KCNIP1: variants seen among roughly 807,000 people sequenced by gnomAD.
KCNIP1 encodes A-type potassium channel modulatory protein KCNIP1.
Under a neutral mutation model 33.0 loss-of-function variants are expected in KCNIP1, and 18 were observed. The ratio of observed to expected loss-of-function variants is 0.55; its 90% CI spans 0.38 to 0.81. The LOEUF is 0.81. Among genes scored for constraint, KCNIP1 ranks in the 30% least tolerant of loss-of-function variants. The pLI, the probability that KCNIP1 is intolerant of heterozygous loss-of-function variation, is 0.00. For missense variants in KCNIP1, 238 were observed against 271.6 expected (o/e 0.88, Z 0.87); for synonymous variants, 93 against 98.3 (o/e 0.95, Z 0.32).
intron 1 of KCNIP1, among the ~76,000 whole-genome samples, chr5:170,523,453 G>T (rs1267482186): frequency 6.6e-6 from 1 of 152,210 alleles, no homozygotes; most frequent in Non-Finnish European, 1.5e-5. Context: ...TTCCGGAACT[G>T]CAGCCAGTGG....
chr5:170,567,312 ATAG>A (rs1217774157), intron 1 of KCNIP1, among the ~76,000 whole-genome samples: 3 of 152,220 alleles, frequency 2.0e-5, no homozygotes, highest in Admixed American at 6.5e-5. Flanking sequence ...CCAAAATGCC[ATAG>A]TGTCGCTGGG....
chr5:170,481,822 T>TTA (rs1244811389), intron 1 of KCNIP1, among the ~76,000 whole-genome samples: 1 of 152,162 alleles, frequency 6.6e-6, no homozygotes, highest in East Asian at 1.9e-4. Flanking sequence ...CAATCGCTCT[T>TTA]TATAGTTTAT....
chr5:170,701,944 C>A (rs1434097868), intron 1 of KCNIP1, among the ~76,000 whole-genome samples: 1 of 152,200 alleles, frequency 6.6e-6, no homozygotes, highest in Non-Finnish European at 1.5e-5. Context: ...TGGGCTATCA[C>A]CTCGCCTTTC....
At chr5:170,682,269 G>A (rs1306782142) in intron 1 of KCNIP1, among the ~76,000 whole-genome samples, 3 of 152,112 alleles carry the variant, frequency 2.0e-5, no homozygotes, top group African/African-American at 7.2e-5. Flanking sequence ...TCTAGGTCTT[G>A]GTTTCCTTAT....
intron 1 of KCNIP1, among the ~76,000 whole-genome samples, chr5:170,425,817 C>T (rs1262503395): frequency 6.6e-6 from 1 of 152,210 alleles, no homozygotes; most frequent in African/African-American, 2.4e-5. Flanking sequence ...CACCTTCCTG[C>T]AGGCAGGCAA....
chr5:170,579,835 C>T (rs1305257202), intron 1 of KCNIP1, among the ~76,000 whole-genome samples: 1 of 152,172 alleles, frequency 6.6e-6, no homozygotes, highest in Non-Finnish European at 1.5e-5. Flanking sequence ...CTCCGCCTCT[C>T]TCCTACAGCC....
chr5:170,445,226 G>A (rs150179103), intron 1 of KCNIP1, among the ~76,000 whole-genome samples: 210 of 152,292 alleles, frequency 1.4e-3, no homozygotes, highest in African/African-American at 4.9e-3. Flanking sequence ...ACAGAGCCCC[G>A]TTAAGGGGGC....
At chr5:170,641,655 G>A (rs183888365) in intron 1 of KCNIP1, among the ~76,000 whole-genome samples, 333 of 152,330 alleles carry the variant, frequency 2.2e-3, no homozygotes, top group Non-Finnish European at 3.9e-3. Flanking sequence ...GGTTGGGGGA[G>A]GCAAAGGGGT....
chr5:170,407,838 T>G (rs2113398505), intron 1 of KCNIP1, among the ~76,000 whole-genome samples: 1 of 152,342 alleles, frequency 6.6e-6, no homozygotes, highest in South Asian at 2.1e-4. Flanking sequence ...TAAATTATAC[T>G]GTTTGCTCAA....
intron 1 of KCNIP1, among the ~76,000 whole-genome samples, chr5:170,663,778 C>G (rs1182883104): frequency 1.3e-5 from 2 of 151,964 alleles, no homozygotes; most frequent in African/African-American, 4.8e-5. Context: ...AAATCTCTCT[C>G]CTCTCCTTCC....
At chr5:170,595,971 C>G (rs1758427638) in intron 1 of KCNIP1, among the ~76,000 whole-genome samples, 1 of 152,136 alleles carries the variant, frequency 6.6e-6, no homozygotes, top group South Asian at 2.1e-4. Flanking sequence ...GAGCTTCATC[C>G]AGACTCATTT....
At chr5:170,506,470 A>T (rs1395483710) in intron 1 of KCNIP1, among the ~76,000 whole-genome samples, 3 of 152,174 alleles carry the variant, frequency 2.0e-5, no homozygotes, top group African/African-American at 7.2e-5. Context: ...AGCTCCGTGC[A>T]TAGGGCTGGG....
chr5:170,360,375 C>T (rs535800641), intron 1 of KCNIP1, among the ~76,000 whole-genome samples: 1 of 152,340 alleles, frequency 6.6e-6, no homozygotes, highest in African/African-American at 2.4e-5. Context: ...GCAAGCCATT[C>T]CCCATCTTGA....
At chr5:170,632,069 C>G (rs999000925) in intron 1 of KCNIP1, among the ~76,000 whole-genome samples, 1 of 152,188 alleles carries the variant, frequency 6.6e-6, no homozygotes, top group African/African-American at 2.4e-5. Flanking sequence ...CCTCGCCGGC[C>G]ACAGAGGACC....
intron 1 of KCNIP1, among the ~76,000 whole-genome samples, chr5:170,405,763 C>T (rs1454829506): frequency 6.6e-6 from 1 of 152,198 alleles, no homozygotes; most frequent in African/African-American, 2.4e-5. Flanking sequence ...TCTCCTGGAC[C>T]AGTGATGGTA....
intron 1 of KCNIP1, among the ~76,000 whole-genome samples, chr5:170,408,411 C>T (rs889521734): frequency 5.3e-5 from 8 of 152,178 alleles, no homozygotes; most frequent in South Asian, 2.1e-4. Flanking sequence ...GCTCTCACCA[C>T]GGGCTGACTG....
intron 1 of KCNIP1, among the ~76,000 whole-genome samples, chr5:170,508,818 C>T (rs777600434): frequency 6.6e-6 from 1 of 152,172 alleles, no homozygotes; most frequent in Admixed American, 6.5e-5. Flanking sequence ...GAAGTGATTT[C>T]TCCCATCTGA....
rs550925898 is a variant in KCNIP1 at position 170,461,091 on chromosome 5, T to C, written c.88+107127T>C. 2.0e-5 allele frequency among the ~76,000 whole-genome samples: 3 copies of C among 152,208 alleles called. No homozygotes were observed. In the South Asian group the frequency reaches 6.2e-4, roughly 32 times the overall value. On this transcript the variant is annotated intron_variant, in intron 1 of 7. Transcript: ENST00000377360. ...AAAAATAAAATAAAATACTTAGGAA[T>C]ATACCTAACCAAGGAGATGAAAGAC...
intron 1 of KCNIP1, among the ~76,000 whole-genome samples, chr5:170,534,017 C>G (rs1755878904): frequency 6.6e-6 from 1 of 152,198 alleles, no homozygotes; most frequent in East Asian, 1.9e-4. Context: ...TGCAGCCAGT[C>G]TGTCCCCATA....
Sources: gnomAD v4.1 joint callset for allele counts (sites outside exome capture counted in the v4.1 genomes callset) on GRCh38, gnomAD v4.1.1 for gene constraint, MANE v1.5 for transcripts, NCBI Gene and HGNC (gene_info 2026-07-23, HGNC 2026-07-21) for gene names.